Variants in PARD6G observed in about 807,000 individuals in gnomAD.
PARD6G encodes par-6 family cell polarity regulator gamma.
PARD6G carries 7 observed loss-of-function variants against 10.7 expected under a neutral mutation model. The ratio of observed to expected loss-of-function variants is 0.66; its 90% CI spans 0.37 to 1.23. PARD6G has a LOEUF of 1.23. PARD6G is among the 50% of genes most tolerant of loss of function. PARD6G has a pLI of 0.02. For synonymous variants in PARD6G, 287 were observed against 269.4 expected (o/e 1.07, Z -0.64); for missense variants, 548 against 571.8 (o/e 0.96, Z 0.42).
At chr18:80,187,087 A>G (rs1462192290) in intron 2 of PARD6G, among the ~76,000 whole-genome samples, 4 of 149,098 alleles carry the variant, frequency 2.7e-5, no homozygotes, top group Non-Finnish European at 5.9e-5. Flanking sequence ...ACAGAGTAAG[A>G]CTCTGTCTCA....
chr18:80,213,636 C>G (rs1361431218), intron 1 of PARD6G, among the ~76,000 whole-genome samples: 2 of 152,162 alleles, frequency 1.3e-5, no homozygotes, highest in Non-Finnish European at 2.9e-5. Flanking sequence ...CAACAAAACC[C>G]TTGAGAAGGA....
chr18:80,163,612 G>A (rs976145290), intron 2 of PARD6G, among the ~76,000 whole-genome samples: 1 of 152,290 alleles, frequency 6.6e-6, no homozygotes, highest in East Asian at 1.9e-4. Context: ...GAAGCATCTC[G>A]GCCATCCCCA....
chr18:80,176,295 T>G (rs1239628158), intron 2 of PARD6G, among the ~76,000 whole-genome samples: 1 of 152,246 alleles, frequency 6.6e-6, no homozygotes, highest in Non-Finnish European at 1.5e-5. Flanking sequence ...CTTGTGTCTC[T>G]ACCTGAAAGA....
intron 1 of PARD6G, among the ~76,000 whole-genome samples, chr18:80,210,870 A>T (rs943926235): frequency 1.3e-5 from 2 of 152,166 alleles, no homozygotes; most frequent in South Asian, 4.1e-4. Context: ...TGCTTATGTG[A>T]TATGACTGGC....
At chr18:80,172,727 G>A (rs556983779) in intron 2 of PARD6G, among the ~76,000 whole-genome samples, 261 of 152,222 alleles carry the variant, frequency 1.7e-3, no homozygotes, top group Non-Finnish European at 2.9e-3. Flanking sequence ...TACATATTCC[G>A]AATAAGAGTC....
intron 2 of PARD6G, among the ~76,000 whole-genome samples, chr18:80,177,025 G>GCACACACACA (rs111315126): frequency 7.3e-5 from 10 of 137,122 alleles, no homozygotes; most frequent in South Asian, 2.4e-4. Context: ...GCGCGCGCGT[G>GCACACACACA]CACACACACA....
At position 80,246,249 on chromosome 18, in the gene PARD6G, C is replaced by T. The variant is rs6506821; in HGVS notation, c.72+1028G>A. On this transcript the variant is annotated intron_variant, in intron 1 of 2. Coordinates refer to ENST00000353265, the MANE Select transcript of PARD6G (RefSeq NM_032510.4). The surrounding 1 kb of genome is among the most constrained non-coding windows in gnomAD (Gnocchi z 6.7). ...CGCTCAACTCCCAGAGAGTAGCCAG[C>T]GAAAGACTCGAGGGGCCCCCTCCCG... Among the ~76,000 whole-genome samples, 31,259 of 152,064 alleles carry T rather than the reference C, an allele frequency of 0.21. 4,580 individuals carry two copies. Among genetic ancestry groups the T allele is most frequent in the African/African-American group, 0.42 (17,255 of 41,406 alleles).
chr18:80,237,792 A>C (rs1267239633), intron 1 of PARD6G, among the ~76,000 whole-genome samples: 1 of 152,194 alleles, frequency 6.6e-6, no homozygotes, highest in Admixed American at 6.5e-5. Flanking sequence ...CAAAACCACA[A>C]TGAGATACCA....
chr18:80,214,239 C>T (rs184097334), intron 1 of PARD6G, among the ~76,000 whole-genome samples: 3 of 152,228 alleles, frequency 2.0e-5, no homozygotes, highest in Admixed American at 6.5e-5. Context: ...GAGTGGATCA[C>T]GAGATGTCAG....
rs550561101 is a variant in PARD6G, at chr18:80,157,828, C to G, written c.*1943G>C. 6.6e-6 allele frequency: 1 copy of G among 152,224 alleles called. No individual in the cohort carries two copies. Among genetic ancestry groups the G allele is most frequent in the Non-Finnish European group, 1.5e-5 (1 of 68,042 alleles). The allele number at this position is 152,224 out of a possible 1,614,324, so 9.4% of individuals were successfully genotyped here. A position where few individuals can be genotyped will look rare whatever the true frequency, so the allele number is the denominator to read the frequency against. On this transcript the variant is annotated 3_prime_UTR_variant, in exon 3 of 3. Coordinates refer to ENST00000353265, the MANE Select transcript of PARD6G (RefSeq NM_032510.4). ...AGCTATTTCTTAAAAATAGAACTTG[C>G]TTTTCACTTAATATTCAGAAAAAAT...
rs374172173 is a variant in PARD6G, at chr18:80,163,924, C to G, written c.296-3318G>C. 7.9e-5 allele frequency among the ~76,000 whole-genome samples: 12 copies of G among 152,248 alleles called. No homozygotes were observed. In the South Asian group the frequency reaches 1.5e-3, roughly 18 times the overall value. ...GTCGCACTAGCTGGGGCCTCAGGAC[C>G]GGAGAAGCAACATGGCAGCAGCTCC... On this transcript the variant is annotated intron_variant, in intron 2 of 2. Transcript: ENST00000353265.
intron 2 of PARD6G, chr18:80,169,419 C>G (rs2052759698): frequency 6.6e-6 from 1 of 152,300 alleles, no homozygotes. Flanking sequence ...CAGAAGGACT[C>G]AGAATTGCGG....
rs146996589 is a variant in PARD6G at position 80,166,845 on chromosome 18, C to T, written c.296-6239G>A. Among the ~76,000 whole-genome samples the T allele has an allele frequency of 7.4e-4, 112 of 151,972 alleles. 1 individual carries two copies. Among genetic ancestry groups the T allele is most frequent in the Non-Finnish European group, 1.2e-3 (79 of 67,978 alleles). ...AGAAGTCCCTTCAGGGCCCCTTCTC[C>T]ACACCACAGCCACCTCTTTTGGGGC... On this transcript the variant is annotated intron_variant, in intron 2 of 2. Transcript: ENST00000353265.
Position 80,161,429 on chromosome 18 carries a change from T to C in PARD6G, c.296-823A>G, listed in dbSNP as rs2145240036. ...GCAGTGTGTAAACTTTACCCTAAAG[T>C]TGGGCTACTGCAAAATAAAATGAAA... On this transcript the variant is annotated intron_variant, in intron 2 of 2. Transcript: ENST00000353265. This position sits in a 1 kb window ranked among gnomAD's most constrained non-coding sequence, Gnocchi z 4.6. Among the ~76,000 whole-genome samples, 1 of 152,208 alleles carries C rather than the reference T, an allele frequency of 6.6e-6. No homozygotes were observed. The highest frequency in any genetic ancestry group is 1.9e-4 in the East Asian group (1 of 5,174).
At chr18:80,186,111 C>A (rs1274752539) in intron 2 of PARD6G, among the ~76,000 whole-genome samples, 1 of 147,398 alleles carries the variant, frequency 6.8e-6, no homozygotes, top group Non-Finnish European at 1.5e-5. Flanking sequence ...TGCTTGCACA[C>A]CCTCACACGC....
chr18:80,212,897 T>A lies in PARD6G; in HGVS notation c.73-9965A>T, dbSNP rs947894645. Among the ~76,000 whole-genome samples, 8 of 148,672 alleles carry A rather than the reference T, an allele frequency of 5.4e-5. 1 individual carries two copies. The highest frequency in any genetic ancestry group is 1.1e-4 in the Non-Finnish European group (7 of 66,308). Reference sequence around the variant, plus strand: ...GAGACCCCATCTCAAAAAAAAAAAATTATCTTGTTTTTATCAATCTTTCTT... The same window carrying A: ...GAGACCCCATCTCAAAAAAAAAAAAATATCTTGTTTTTATCAATCTTTCTT... On this transcript the variant is annotated intron_variant, in intron 1 of 2. Transcript: ENST00000353265.
Position 80,231,721 on chromosome 18 carries a change from C to T in PARD6G, c.72+15556G>A, listed in dbSNP as rs1967360124. Among the ~76,000 whole-genome samples, 1 of 152,076 alleles carries T rather than the reference C, an allele frequency of 6.6e-6. No homozygotes were observed. Among genetic ancestry groups the T allele is most frequent in the Admixed American group, 6.5e-5 (1 of 15,268 alleles). Reference sequence around the variant, plus strand: ...AGGCCCTGGTGAGCGAGTGAGACTCCAGCCAATGGGAGCAATTCACTCGCT... The same window carrying T: ...AGGCCCTGGTGAGCGAGTGAGACTCTAGCCAATGGGAGCAATTCACTCGCT... On this transcript the variant is annotated intron_variant, in intron 1 of 2. Transcript: ENST00000353265. The surrounding 1 kb of genome is among the most constrained non-coding windows in gnomAD (Gnocchi z 4.2).
At chr18:80,234,508 G>A (rs887210622) in intron 1 of PARD6G, among the ~76,000 whole-genome samples, 1 of 152,150 alleles carries the variant, frequency 6.6e-6, no homozygotes, top group African/African-American at 2.4e-5. Context: ...AATCCAGACA[G>A]GGGTCACAGT....
chr18:80,167,352 G>GT (rs913001425), intron 2 of PARD6G, among the ~76,000 whole-genome samples: 3 of 147,354 alleles, frequency 2.0e-5, no homozygotes, highest in Admixed American at 6.8e-5. Context: ...GTGGATGTGT[G>GT]TGCAGGATAA....
Sources: allele counts gnomAD v4.1 joint callset (sites outside exome capture counted in the v4.1 genomes callset), GRCh38; gene constraint gnomAD v4.1.1; non-coding constraint Gnocchi (gnomAD v3.1); transcripts MANE v1.5; gene names NCBI Gene and HGNC (gene_info 2026-07-23, HGNC 2026-07-21).